ARMC10: variants seen among roughly 807,000 people sequenced by gnomAD.
ARMC10 encodes armadillo repeat-containing protein 10.
In ARMC10, 23 loss-of-function variants were observed where a neutral mutation model predicts 30.2. The observed-to-expected ratio is 0.76, with a 90% CI of 0.55 to 1.08. ARMC10 has a LOEUF of 1.08. Among genes scored for constraint, ARMC10 ranks in the 50% least tolerant of loss-of-function variants. The pLI is 0.00. For synonymous variants in ARMC10, 111 were observed against 164.4 expected (o/e 0.68, Z 2.48); for missense variants, 303 against 413.7 (o/e 0.73, Z 2.32).
chr7:103,075,604 C>T (rs1159241633), intron 1 of ARMC10, among the ~76,000 whole-genome samples, 173 bp from the exon 2 acceptor site: 3 of 152,272 alleles, frequency 2.0e-5, no homozygotes, highest in Non-Finnish European at 4.4e-5. Context: ...AAAACTTGCC[C>T]TGGCTTTCCT....
chr7:103,096,278 A>T (rs1234337928), intron 5 of ARMC10: 1 of 152,134 alleles, frequency 6.6e-6, no homozygotes, highest in African/African-American at 2.4e-5. Flanking sequence ...AAGTGAGAGG[A>T]TTGCTTGAGG....
intron 6 of ARMC10, 34 bp from the exon 7 acceptor site, chr7:103,098,261 TATTA>T: frequency 3.9e-6 from 5 of 1,284,738 alleles, no homozygotes; most frequent in Non-Finnish European, 5.0e-6. Flanking sequence ...TTTCATATAT[TATTA>T]ATATAAAATA....
chr7:103,078,168 T>G lies in ARMC10; in HGVS notation c.244+2287T>G, dbSNP rs1800063570. The stretch of plus-strand genomic sequence containing the variant: ...ACACCATGTGCCTGGCGAATTTTTT[T>G]TGTATTTTTAGTAGAGACAGGGTTT... On this transcript the variant is annotated intron_variant, in intron 2 of 6. Coordinates refer to ENST00000323716, the MANE Select transcript of ARMC10 (RefSeq NM_031905.5). 2.0e-5 allele frequency among the ~76,000 whole-genome samples: 3 copies of G among 152,158 alleles called. 1 individual carries two copies. In the South Asian group the frequency reaches 6.2e-4, roughly 32 times the overall value.
chr7:103,086,503 G>T, intron 3 of ARMC10, 127 bp from the exon 4 acceptor site: 1 of 996,950 alleles, frequency 1.0e-6, no homozygotes, highest in African/African-American at 1.7e-5. Context: ...TTAAATATTT[G>T]TATATGGGAA....
At chr7:103,075,985 A>C in intron 2 of ARMC10, 104 bp downstream of exon 2, 2 of 766,312 alleles carry the variant, frequency 2.6e-6, no homozygotes, top group South Asian at 2.4e-5. Context: ...GTACATTAAA[A>C]CCCTCCAAAG....
At chr7:103,087,222 G>T (rs1158450767) in intron 4 of ARMC10, among the ~76,000 whole-genome samples, 3 of 152,210 alleles carry the variant, frequency 2.0e-5, no homozygotes, top group African/African-American at 4.8e-5. Context: ...TGTACTGTAT[G>T]AGTGTATTGC....
intron 4 of ARMC10, among the ~76,000 whole-genome samples, chr7:103,090,704 C>T (rs1044336125): frequency 6.9e-6 from 1 of 145,046 alleles, no homozygotes; most frequent in Non-Finnish European, 1.5e-5. Flanking sequence ...ACCGTGTTGA[C>T]CAGTTTGGGT....
chr7:103,093,746 C>T (rs1009309262), intron 5 of ARMC10, among the ~76,000 whole-genome samples: 3 of 152,154 alleles, frequency 2.0e-5, no homozygotes, highest in African/African-American at 7.2e-5. Flanking sequence ...AGCTGCTTTA[C>T]CCAGAACCTC....
chr7:103,075,221 C>T lies in ARMC10; in HGVS notation c.-52C>T. 8.8e-7 allele frequency: 1 copy of T among 1,135,224 alleles called. No homozygotes were observed. The highest frequency in any genetic ancestry group is 1.1e-6 in the Non-Finnish European group (1 of 926,164). The allele number at this position is 1,135,224 out of a possible 1,614,324, so 70.3% of individuals were successfully genotyped here. A position where few individuals can be genotyped will look rare whatever the true frequency, so the allele number is the denominator to read the frequency against. ...TGCGCTGGAGACCTCCGCGCTGGCC[C>T]CCGCGAGCCTCCTGCCCTGGCCCGG... On this transcript the variant is annotated 5_prime_UTR_variant, in exon 1 of 7. Coordinates refer to ENST00000323716, the MANE Select transcript of ARMC10 (RefSeq NM_031905.5).
intron 2 of ARMC10, among the ~76,000 whole-genome samples, chr7:103,079,403 T>C (rs1208272965): frequency 6.6e-6 from 1 of 151,278 alleles, no homozygotes; most frequent in Non-Finnish European, 1.5e-5. Flanking sequence ...TAGAAGGAAA[T>C]GTTCTTAAGT....
chr7:103,090,394 G>A (rs929163041), intron 4 of ARMC10, among the ~76,000 whole-genome samples: 3 of 152,320 alleles, frequency 2.0e-5, no homozygotes, highest in South Asian at 4.1e-4. Context: ...AGGCGTGGTG[G>A]CTCACACCTG....
At chr7:103,076,315 A>G (rs559225086) in intron 2 of ARMC10, among the ~76,000 whole-genome samples, 238 of 152,322 alleles carry the variant, frequency 1.6e-3, no homozygotes, top group South Asian at 4.1e-3. Flanking sequence ...TTTACTGGTA[A>G]TTGGGGTGGT....
At chr7:103,097,051 G>C in intron 5 of ARMC10, 1 of 565,004 alleles carries the variant, frequency 1.8e-6, no homozygotes, top group Non-Finnish European at 3.2e-6. Context: ...AAATAACACT[G>C]TTCTATGATA....
At position 103,083,781 on chromosome 7, in the gene ARMC10, A is replaced by G; in HGVS notation, c.344A>G (p.Glu115Gly). 2 of 1,614,164 alleles carry G rather than the reference A, an allele frequency of 1.2e-6. No homozygotes were observed. The highest frequency in any genetic ancestry group is 1.7e-6 in the Non-Finnish European group (2 of 1,180,002). Residue 115 changes from glutamate (E) to glycine (G), a missense_variant, in exon 3 of 7, where the codon GAA (glutamate) becomes GGA (glycine). Glu to Gly is a moderately conservative substitution (Grantham distance 98). This residue lies in a region of ARMC10 where 170 missense variants were observed against 207.2 expected (regional missense o/e 0.82). Coordinates refer to ENST00000323716, the MANE Select transcript of ARMC10 (RefSeq NM_031905.5). ...LESTEDPVII[E>G]RALITLGNNA... ...TCAACGGAGGATCCTGTAATTATTG[A>G]AAGAGCTTTGATTACTTTGGGTAAC...
rs1442098538 is a variant in ARMC10 at position 103,083,841 on chromosome 7, C to G, written c.393+11C>G. On this transcript the variant is annotated intron_variant, in intron 3 of 6. Transcript: ENST00000323716. ...TTTTCAGTTAACCAAGTAAGTACCT[C>G]AACTCAGCAAGCAAGCTCTTTCCAT... 4 of 1,611,740 alleles carry G rather than the reference C, an allele frequency of 2.5e-6. No individual in the cohort carries two copies. In the African/African-American group the frequency reaches 5.4e-5, roughly 22 times the overall value.
In ARMC10 at chr7:103,079,350, T is replaced by A. The variant is rs182057909; in HGVS notation, c.244+3469T>A. Reference sequence around the variant, plus strand: ...CTCGGGGAAAAAAAAAGAAAAAAAATTTTATCATTTCTGATAAAAACTTGC... The same window carrying A: ...CTCGGGGAAAAAAAAAGAAAAAAAAATTTATCATTTCTGATAAAAACTTGC... On this transcript the variant is annotated intron_variant, in intron 2 of 6. Transcript: ENST00000323716. 3.4e-4 allele frequency among the ~76,000 whole-genome samples: 52 copies of A among 152,044 alleles called. No individual in the cohort carries two copies. The East Asian group carries it at 7.0e-3, about 20-fold the overall frequency.
intron 2 of ARMC10, among the ~76,000 whole-genome samples, chr7:103,078,901 CAGG>C (rs1800132958): frequency 6.6e-6 from 1 of 152,064 alleles, no homozygotes; most frequent in Non-Finnish European, 1.5e-5. Context: ...CCCAGCTACT[CAGG>C]AGGCTGTTTT....
intron 3 of ARMC10, among the ~76,000 whole-genome samples, chr7:103,084,529 C>T (rs1231038486): frequency 1.3e-5 from 2 of 152,152 alleles, no homozygotes; most frequent in African/African-American, 4.8e-5. Context: ...GCATTATGTA[C>T]TCTTTCAGTT....
At chr7:103,078,535 T>C (rs534558285) in intron 2 of ARMC10, among the ~76,000 whole-genome samples, 9 of 152,236 alleles carry the variant, frequency 5.9e-5, no homozygotes, top group Non-Finnish European at 1.2e-4. Context: ...TGTGGAACTG[T>C]GAATCAATTA....
Sources: allele counts gnomAD v4.1 joint callset (sites outside exome capture counted in the v4.1 genomes callset), GRCh38; gene constraint gnomAD v4.1.1; regional missense constraint gnomAD v4.1.1; transcripts MANE v1.5; gene names NCBI Gene and HGNC (gene_info 2026-07-23, HGNC 2026-07-21).